Variants in IPCEF1 observed in about 807,000 individuals in gnomAD.
IPCEF1 encodes interactor protein for cytohesin exchange factors 1.
Under a neutral mutation model 50.9 loss-of-function variants are expected in IPCEF1, and 31 were observed. That is an observed-to-expected ratio of 0.61 (90% confidence interval 0.46 to 0.82). The LOEUF (loss-of-function observed/expected upper bound fraction) is 0.82, where lower values mean the gene tolerates loss of function less well. IPCEF1 is among the 40% of genes least tolerant of loss of function. The pLI, the probability that IPCEF1 is intolerant of heterozygous loss-of-function variation, is 0.00. For synonymous variants in IPCEF1, 181 were observed against 192.0 expected (o/e 0.94, Z 0.47); for missense variants, 458 against 514.0 (o/e 0.89, Z 1.05).
intron 5 of IPCEF1, among the ~76,000 whole-genome samples, chr6:154,237,837 A>C (rs1266556386): frequency 6.6e-6 from 1 of 151,536 alleles, no homozygotes; most frequent in African/African-American, 2.4e-5. Context: ...TATATATGTT[A>C]ATATTTATAC....
chr6:154,306,370 T>G (rs1327072036), intron 1 of IPCEF1, among the ~76,000 whole-genome samples: 1 of 152,208 alleles, frequency 6.6e-6, no homozygotes, highest in Non-Finnish European at 1.5e-5. Context: ...TATTTTAGTT[T>G]GAATTGTTTG....
intron 1 of IPCEF1, among the ~76,000 whole-genome samples, chr6:154,311,217 C>T (rs1235569318): frequency 1.3e-5 from 2 of 152,158 alleles, no homozygotes; most frequent in Non-Finnish European, 2.9e-5. Flanking sequence ...TCAAGGAGTG[C>T]TTTTCAATCT....
At chr6:154,325,750 T>G (rs1352496666) in intron 1 of IPCEF1, among the ~76,000 whole-genome samples, 1 of 152,184 alleles carries the variant, frequency 6.6e-6, no homozygotes, top group African/African-American at 2.4e-5. Flanking sequence ...TGAGTGTGCT[T>G]TTTTGGGGTG....
intron 5 of IPCEF1, among the ~76,000 whole-genome samples, chr6:154,232,270 A>C (rs2128627708): frequency 6.6e-6 from 1 of 152,364 alleles, no homozygotes; most frequent in South Asian, 2.1e-4. Flanking sequence ...AAGAAAGAAA[A>C]AATGTCTGTG....
At chr6:154,225,035 G>A (rs976419539) in intron 5 of IPCEF1, among the ~76,000 whole-genome samples, 1 of 152,140 alleles carries the variant, frequency 6.6e-6, no homozygotes, top group Non-Finnish European at 1.5e-5. Context: ...TCCACTTTTA[G>A]ATCTACAGAC....
intron 5 of IPCEF1, among the ~76,000 whole-genome samples, chr6:154,234,586 G>A (rs1779971356): frequency 6.6e-6 from 1 of 152,162 alleles, no homozygotes; most frequent in African/African-American, 2.4e-5. Context: ...CCAAGGATAT[G>A]GCTCTCTCAC....
intron 11 of IPCEF1, among the ~76,000 whole-genome samples, chr6:154,161,144 T>C (rs958287844): frequency 6.6e-6 from 1 of 152,156 alleles, no homozygotes; most frequent in Admixed American, 6.5e-5. Flanking sequence ...TCATAAACTC[T>C]AATTTCTAGA....
intron 10 of IPCEF1, among the ~76,000 whole-genome samples, chr6:154,181,639 C>T (rs72999463): frequency 6.6e-6 from 1 of 152,312 alleles, no homozygotes; most frequent in Non-Finnish European, 1.5e-5. Flanking sequence ...GCTTGAACTA[C>T]TGCATCTTCA....
chr6:154,180,318 A>T (rs1800724105), intron 10 of IPCEF1, among the ~76,000 whole-genome samples: 1 of 151,290 alleles, frequency 6.6e-6, no homozygotes. Flanking sequence ...TAGGTCAGCT[A>T]CCTAACTAGT....
At chr6:154,198,332 A>G (rs1177168625) in intron 10 of IPCEF1, among the ~76,000 whole-genome samples, 2 of 152,152 alleles carry the variant, frequency 1.3e-5, no homozygotes, top group Non-Finnish European at 2.9e-5. Flanking sequence ...ACTCTTCCTC[A>G]CAGTCCAATC....
chr6:154,349,429 G>A lies in IPCEF1; in HGVS notation c.-62+7243C>T, dbSNP rs190074687. Among the ~76,000 whole-genome samples the A allele has an allele frequency of 3.7e-4, 56 of 150,670 alleles. 1 individual carries two copies. Among genetic ancestry groups the A allele is most frequent in the African/African-American group, 1.7e-4 (7 of 41,006 alleles). On this transcript the variant is annotated intron_variant, in intron 1 of 11. Coordinates refer to ENST00000367220, the MANE Select transcript of IPCEF1 (RefSeq NM_001130700.2). Reference sequence around the variant, plus strand: ...TAGTACAGACGAGGTCTTGCTATACGTTGCTTGGGCTGTTCTCAAACTCCT... The same window carrying A: ...TAGTACAGACGAGGTCTTGCTATACATTGCTTGGGCTGTTCTCAAACTCCT...
rs1373079159 is a variant in IPCEF1, at chr6:154,160,071, T to C, written c.1105-31A>G. The C allele has an allele frequency of 2.0e-6, 3 of 1,526,140 alleles. No homozygotes were observed. In the African/African-American group the frequency reaches 4.1e-5, roughly 21 times the overall value. The allele number at this position is 1,526,140 out of a possible 1,614,324, so 94.5% of individuals were successfully genotyped here. ...TGAGTAGAAAAAAAGGGGAAGGGGG[T>C]ATGTTGAGAGTGTCTTAATTTACAT... On this transcript the variant is annotated intron_variant, in intron 11 of 11. Transcript: ENST00000367220.
chr6:154,163,220 C>T (rs1799163741), intron 11 of IPCEF1, among the ~76,000 whole-genome samples: 1 of 152,210 alleles, frequency 6.6e-6, no homozygotes, highest in African/African-American at 2.4e-5. Flanking sequence ...CACTGCTGCA[C>T]TCCCCATGCT....
rs971765528 is a variant in IPCEF1 at position 154,354,387 on chromosome 6, G to A, written c.-62+2285C>T. ...ACTTCTACCATCTGTCACCTCCACC[G>A]TCACCTCCAACCACCATCTCCACCA... On this transcript the variant is annotated intron_variant, in intron 1 of 11. Coordinates refer to ENST00000367220, the MANE Select transcript of IPCEF1 (RefSeq NM_001130700.2). Among the ~76,000 whole-genome samples the A allele has an allele frequency of 3.0e-3, 91 of 30,244 alleles. 1 individual carries two copies. Among genetic ancestry groups the A allele is most frequent in the East Asian group, 0.027 (57 of 2,134 alleles). 19.8% of individuals were successfully genotyped at this position (30,244 alleles called of 152,430 possible). A position where few individuals can be genotyped will look rare whatever the true frequency, so the allele number is the denominator to read the frequency against.
chr6:154,188,478 G>A (rs2128577755), intron 10 of IPCEF1, among the ~76,000 whole-genome samples: 1 of 152,336 alleles, frequency 6.6e-6, no homozygotes, highest in South Asian at 2.1e-4. Context: ...AAGTCCCACA[G>A]ACTGTGTGTA....
intron 5 of IPCEF1, among the ~76,000 whole-genome samples, chr6:154,227,118 C>T (rs1051715187): frequency 2.0e-5 from 3 of 151,952 alleles, no homozygotes; most frequent in African/African-American, 7.3e-5. Flanking sequence ...GCAGGAGAAT[C>T]GCTTGAACCT....
In IPCEF1 at chr6:154,158,405, C is replaced by T. The variant is rs1393474903; in HGVS notation, c.*1423G>A. 1 of 152,148 alleles carries T rather than the reference C, an allele frequency of 6.6e-6. No homozygotes were observed. The highest frequency in any genetic ancestry group is 1.5e-5 in the Non-Finnish European group (1 of 68,042). The allele number at this position is 152,148 out of a possible 1,614,324, so 9.4% of individuals were successfully genotyped here. On this transcript the variant is annotated 3_prime_UTR_variant, in exon 12 of 12. Transcript: ENST00000367220. ...CAATGATTTCTAAATTTCTATTAGT[C>T]TTTAATGAAAAGATGACATTAGTTG... is the stretch of plus-strand genomic sequence containing the variant.
chr6:154,238,267 A>T (rs1688103117), intron 5 of IPCEF1, among the ~76,000 whole-genome samples: 1 of 151,900 alleles, frequency 6.6e-6, no homozygotes, highest in Non-Finnish European at 1.5e-5. Context: ...TTATTTATTT[A>T]TTTTTTAGAT....
rs987323994 is a variant in IPCEF1 at position 154,158,848 on chromosome 6, T to C, written c.*980A>G. On this transcript the variant is annotated 3_prime_UTR_variant, in exon 12 of 12. Coordinates refer to ENST00000367220, the MANE Select transcript of IPCEF1 (RefSeq NM_001130700.2). ...CTATTCACATAGCACACAAGTGACATATAAACATACAAAAATAAATCCCTC... is the reference window on the plus strand; with the variant it reads ...CTATTCACATAGCACACAAGTGACACATAAACATACAAAAATAAATCCCTC... The C allele has an allele frequency of 3.9e-5, 6 of 152,232 alleles. No homozygotes were observed. Among genetic ancestry groups the C allele is most frequent in the Admixed American group, 1.3e-4 (2 of 15,286 alleles). 9.4% of individuals were successfully genotyped at this position (152,232 alleles called of 1,614,324 possible).
Sources: allele counts gnomAD v4.1 joint callset (sites outside exome capture counted in the v4.1 genomes callset), GRCh38; gene constraint gnomAD v4.1.1; transcripts MANE v1.5; gene names NCBI Gene and HGNC (gene_info 2026-07-23, HGNC 2026-07-21).